The following ARFGEF1 variants were observed in gnomAD, a reference collection of about 807,000 sequenced individuals.
ARFGEF1 encodes the protein ARF guanine nucleotide exchange factor 1.
In ARFGEF1, 42 loss-of-function variants were observed where a neutral mutation model predicts 231.0. That is an observed-to-expected ratio of 0.18 (90% CI 0.14 to 0.24). ARFGEF1 has a LOEUF of 0.24. ARFGEF1 is among the 10% of genes least tolerant of loss of function. The pLI is 1.00. For missense variants in ARFGEF1, 1,345 were observed against 2,192.0 expected (o/e 0.61, Z 7.72); for synonymous variants, 710 against 732.3 (o/e 0.97, Z 0.49).
At chr8:67,240,545 T>G (rs1026094579) in intron 19 of ARFGEF1, among the ~76,000 whole-genome samples, 1 of 152,124 alleles carries the variant, frequency 6.6e-6, no homozygotes, top group Admixed American at 6.6e-5. Flanking sequence ...TCACATCAAT[T>G]TAAAAATGGA....
intron 5 of ARFGEF1, among the ~76,000 whole-genome samples, chr8:67,191,508 A>C (rs1039841385): frequency 2.0e-5 from 3 of 152,214 alleles, no homozygotes; most frequent in Non-Finnish European, 4.4e-5. Context: ...TTTTCTGGAC[A>C]TTTCGTATAA....
At chr8:67,226,981 A>G (rs778608877) in intron 27 of ARFGEF1, among the ~76,000 whole-genome samples, 156 bp downstream of exon 27, 5 of 152,132 alleles carry the variant, frequency 3.3e-5, no homozygotes, top group Non-Finnish European at 5.9e-5. Context: ...GTTAACTATA[A>G]TAGTAATTTA....
chr8:67,192,238 C>A (rs1836535934), intron 5 of ARFGEF1, among the ~76,000 whole-genome samples: 1 of 151,948 alleles, frequency 6.6e-6, no homozygotes, highest in African/African-American at 2.4e-5. Flanking sequence ...ACACGCCTGG[C>A]TAAGTTTTGT....
At chr8:67,281,918 A>C (rs1256194425) in intron 7 of ARFGEF1, among the ~76,000 whole-genome samples, 5 of 152,156 alleles carry the variant, frequency 3.3e-5, no homozygotes, top group Non-Finnish European at 5.9e-5. Context: ...ATGACGTAAA[A>C]GACTTGACTA....
intron 3 of ARFGEF1, 26 bp downstream of exon 3, chr8:67,301,198 T>A (rs1260665207): frequency 1.3e-6 from 2 of 1,561,600 alleles, no homozygotes; most frequent in East Asian, 4.6e-5. Flanking sequence ...GTACACAGTT[T>A]TTAGAAAGTG....
rs531129400 is a variant in ARFGEF1 at position 67,329,947 on chromosome 8, C to T, written c.124+13217G>A. 2.0e-5 allele frequency among the ~76,000 whole-genome samples: 3 copies of T among 151,186 alleles called. No individual in the cohort carries two copies. In the East Asian group the frequency reaches 5.8e-4, roughly 29 times the overall value. On this transcript the variant is annotated intron_variant, in intron 1 of 38. Transcript: ENST00000262215. ...TTGGTAGAAACCATTTAGGGGAGTG[C>T]TAAAAATAAAAAAAAACAAAGGCTA...
intron 1 of ARFGEF1, 70 bp downstream of exon 1, chr8:67,343,088 ACCCCAC>A: frequency 2.5e-6 from 1 of 399,152 alleles, no homozygotes. Flanking sequence ...GCCCCGGGCG[ACCCCAC>A]CCCCCCACAG....
chr8:67,337,128 CAAAAAAAAAAA>C (rs1160016610), intron 1 of ARFGEF1, among the ~76,000 whole-genome samples: 1 of 55,000 alleles, frequency 1.8e-5, no homozygotes, highest in Non-Finnish European at 3.3e-5. Context: ...GACGCCGTCT[CAAAAAAAAAAA>C]AAAAAAAAAA....
chr8:67,241,832 A>T (rs900583432), intron 19 of ARFGEF1, among the ~76,000 whole-genome samples: 11 of 152,148 alleles, frequency 7.2e-5, no homozygotes, highest in African/African-American at 2.4e-4. Flanking sequence ...GACAGTCTTA[A>T]ATCCCAACGC....
At chr8:67,312,082 T>C (rs1000878054) in intron 1 of ARFGEF1, among the ~76,000 whole-genome samples, 4 of 151,920 alleles carry the variant, frequency 2.6e-5, no homozygotes, top group African/African-American at 9.7e-5. Flanking sequence ...TCTCAAGTAA[T>C]CAGGGACACA....
Position 67,251,374 on chromosome 8 carries a change from G to A in ARFGEF1, c.2775C>T (p.Leu925=), listed in dbSNP as rs1840278881. ...MEQMAKTAKA[L]MEAVSHVQAP... is the part of the protein sequence containing the mutation. Reference sequence around the variant, plus strand: ...CCTGAACATGGCTCACGGCCTCCATGAGTGCTTTAGCTGTCTTGGCCATCT... The same window carrying A: ...CCTGAACATGGCTCACGGCCTCCATAAGTGCTTTAGCTGTCTTGGCCATCT... Residue 925 remains leucine (L), a synonymous_variant, in exon 19 of 39, where the codon CTC becomes CTT. Transcript: ENST00000262215. 2 of 1,612,640 alleles carry A rather than the reference G, an allele frequency of 1.2e-6. No homozygotes were observed. The highest frequency in any genetic ancestry group is 1.7e-6 in the Non-Finnish European group (2 of 1,179,214).
At chr8:67,226,587 A>G (rs1309482126) in intron 27 of ARFGEF1, among the ~76,000 whole-genome samples, 2 of 151,828 alleles carry the variant, frequency 1.3e-5, no homozygotes, top group Non-Finnish European at 2.9e-5. Context: ...GTAATACTTA[A>G]GCAAGCACGC....
At chr8:67,233,223 T>C (rs1268026975) in intron 22 of ARFGEF1, among the ~76,000 whole-genome samples, 2 of 151,950 alleles carry the variant, frequency 1.3e-5, no homozygotes, top group Non-Finnish European at 2.9e-5. Flanking sequence ...ATTATAGATA[T>C]TAGATATAAT....
intron 5 of ARFGEF1, 74 bp downstream of exon 5, chr8:67,296,357 A>T: frequency 7.6e-7 from 1 of 1,324,184 alleles, no homozygotes; most frequent in South Asian, 1.5e-5. Context: ...ATTTCACTCT[A>T]ATTACTGTAA....
chr8:67,178,586 G>A (rs1832242260), intron 5 of ARFGEF1, among the ~76,000 whole-genome samples: 1 of 152,150 alleles, frequency 6.6e-6, no homozygotes. Flanking sequence ...ATCCTGGGTG[G>A]GAGGGTTTAT....
At chr8:67,219,679 A>C in intron 29 of ARFGEF1, 119 bp from the exon 30 acceptor site, 1 of 1,053,428 alleles carries the variant, frequency 9.5e-7, no homozygotes, top group African/African-American at 1.6e-5. Flanking sequence ...TCTGAAATTA[A>C]CACATGACAC....
intron 19 of ARFGEF1, among the ~76,000 whole-genome samples, chr8:67,242,526 C>T (rs1005415410): frequency 4.6e-5 from 7 of 152,104 alleles, no homozygotes; most frequent in Admixed American, 2.0e-4. Flanking sequence ...CTAAAGAGCC[C>T]CTGGGCCCTG....
Position 67,343,364 on chromosome 8 carries a change from AAGAGAAG to A in ARFGEF1, c.-84_-78del. ...GGAGGGGAGGAGGAGGAGAGGAAGGAAGAGAAGAGAGAAAGGAGAGGGGGTGGAGGTG... is the reference window on the plus strand; with the variant it reads ...GGAGGGGAGGAGGAGGAGAGGAAGGAAGAGAAAGGAGAGGGGGTGGAGGTG... On this transcript the variant is annotated 5_prime_UTR_variant, in exon 1 of 39. Coordinates refer to ENST00000262215, the MANE Select transcript of ARFGEF1 (RefSeq NM_006421.5). 6.5e-7 allele frequency: 1 copy of A among 1,538,758 alleles called. No homozygotes were observed. The highest frequency in any genetic ancestry group is 2.5e-5 in the East Asian group (1 of 40,250).
At chr8:67,222,220 T>TATACACACACAC (rs1563846486) in intron 29 of ARFGEF1, among the ~76,000 whole-genome samples, 38 of 120,806 alleles carry the variant, frequency 3.1e-4, no homozygotes, top group African/African-American at 1.0e-3. Context: ...CACATATATA[T>TATACACACACAC]ATATGTATAT....
Sources: gnomAD v4.1 joint callset for allele counts (sites outside exome capture counted in the v4.1 genomes callset) on GRCh38, gnomAD v4.1.1 for gene constraint, MANE v1.5 for transcripts, NCBI Gene and HGNC (gene_info 2026-07-23, HGNC 2026-07-21) for gene names.